The following NPAS3 variants were observed in gnomAD, a reference collection of about 807,000 sequenced individuals.
The protein encoded by NPAS3 is neuronal PAS domain-containing protein 3.
Under a neutral mutation model 73.1 loss-of-function variants are expected in NPAS3, and 14 were observed. That is an observed-to-expected ratio of 0.19 (90% confidence interval 0.13 to 0.30). The LOEUF (loss-of-function observed/expected upper bound fraction) is 0.30. NPAS3 is among the 10% of genes least tolerant of loss of function. The probability of loss-of-function intolerance (pLI) is 1.00; values close to 1 mark genes in which losing one functional copy is unlikely to be tolerated. For missense variants in NPAS3, 1,096 were observed against 1,250.0 expected (o/e 0.88, Z 1.86); for synonymous variants, 620 against 541.5 (o/e 1.14, Z -2.01).
chr14:33,349,146 C>T (rs1643697231), intron 3 of NPAS3, among the ~76,000 whole-genome samples: 1 of 152,172 alleles, frequency 6.6e-6, no homozygotes, highest in Non-Finnish European at 1.5e-5. Flanking sequence ...TTTATTTAGG[C>T]TAACCATGTC....
intron 4 of NPAS3, among the ~76,000 whole-genome samples, chr14:33,434,659 T>C (rs1783249188): frequency 6.6e-6 from 1 of 152,232 alleles, no homozygotes; most frequent in South Asian, 2.1e-4. Context: ...AGGAAGTTGA[T>C]TCTTTCTTTT....
intron 5 of NPAS3, among the ~76,000 whole-genome samples, chr14:33,659,376 A>G (rs2059241817): frequency 6.6e-6 from 1 of 152,206 alleles, no homozygotes; most frequent in Non-Finnish European, 1.5e-5. Flanking sequence ...GCCTTCTATT[A>G]GGAACATGTA....
chr14:32,936,548 C>T (rs184457816), upstream of NPAS3, among the ~76,000 whole-genome samples: 1 of 151,940 alleles, frequency 6.6e-6, no homozygotes, highest in East Asian at 1.9e-4. Flanking sequence ...TAGTATCTGG[C>T]GGTCACTTTA....
chr14:33,231,227 A>G (rs986609482), intron 3 of NPAS3, among the ~76,000 whole-genome samples: 3 of 152,212 alleles, frequency 2.0e-5, no homozygotes, highest in Non-Finnish European at 4.4e-5. Flanking sequence ...TATCAGAGAA[A>G]TTCTCTTATG....
chr14:33,404,100 T>C (rs1227930847), intron 4 of NPAS3, among the ~76,000 whole-genome samples: 1 of 152,158 alleles, frequency 6.6e-6, no homozygotes, highest in African/African-American at 2.4e-5. Flanking sequence ...AAAATTTTTT[T>C]GTCTCTAACT....
chr14:33,283,219 G>A (rs2140072326), intron 3 of NPAS3, among the ~76,000 whole-genome samples: 1 of 152,216 alleles, frequency 6.6e-6, no homozygotes, highest in East Asian at 1.9e-4. Flanking sequence ...ACATGCCCAC[G>A]GTCACAGAGT....
intron 3 of NPAS3, among the ~76,000 whole-genome samples, chr14:33,291,048 T>C (rs2042079394): frequency 6.6e-6 from 1 of 152,034 alleles, no homozygotes; most frequent in Non-Finnish European, 1.5e-5. Flanking sequence ...TATCTAGGCT[T>C]TGCAATACGA....
chr14:33,607,828 C>T (rs752644059), intron 5 of NPAS3, among the ~76,000 whole-genome samples: 4 of 152,110 alleles, frequency 2.6e-5, no homozygotes, highest in African/African-American at 4.8e-5. Context: ...AGAATCATGG[C>T]GGAAGGGGAA....
intron 4 of NPAS3, among the ~76,000 whole-genome samples, chr14:33,480,120 A>G (rs991310943): frequency 6.6e-6 from 1 of 152,210 alleles, no homozygotes; most frequent in African/African-American, 2.4e-5. Flanking sequence ...AAGGGAGAGG[A>G]TCATGGAATT....
intron 1 of NPAS3, among the ~76,000 whole-genome samples, chr14:33,027,350 G>T (rs189882554): frequency 1.3e-5 from 2 of 152,142 alleles, no homozygotes; most frequent in African/African-American, 4.8e-5. Context: ...AATACGAATC[G>T]TTGGAAAAGC....
intron 1 of NPAS3, among the ~76,000 whole-genome samples, chr14:32,998,968 C>G (rs1165657962): frequency 6.6e-6 from 1 of 152,182 alleles, no homozygotes; most frequent in Non-Finnish European, 1.5e-5. Context: ...TTCCCATCAT[C>G]ACACTGTGTG....
intron 5 of NPAS3, among the ~76,000 whole-genome samples, chr14:33,618,820 AG>A (rs2057998657): frequency 6.6e-6 from 1 of 152,210 alleles, no homozygotes; most frequent in Non-Finnish European, 1.5e-5. Flanking sequence ...TTAGTTTTCT[AG>A]TAAGTGCAAC....
chr14:33,634,012 A>G (rs1251872403), intron 5 of NPAS3, among the ~76,000 whole-genome samples: 3 of 152,184 alleles, frequency 2.0e-5, no homozygotes, highest in African/African-American at 7.2e-5. Context: ...GTTTTGTGGC[A>G]CATGACTGCT....
intron 4 of NPAS3, among the ~76,000 whole-genome samples, chr14:33,409,111 G>A (rs1401599214): frequency 6.6e-6 from 1 of 152,216 alleles, no homozygotes; most frequent in East Asian, 1.9e-4. Context: ...TTTATTTGCA[G>A]AATAAATTTC....
chr14:32,997,534 T>C (rs1302090553), intron 1 of NPAS3, among the ~76,000 whole-genome samples: 1 of 152,086 alleles, frequency 6.6e-6, no homozygotes, highest in East Asian at 1.9e-4. Flanking sequence ...TCCTGTGCTG[T>C]TCTTGGGATA....
chr14:33,774,295 T>C (rs374866054), intron 7 of NPAS3, 42 bp from the exon 8 acceptor site: 2 of 1,501,032 alleles, frequency 1.3e-6, no homozygotes, highest in Admixed American at 1.7e-5. Context: ...ATATCTGGGA[T>C]GTAAATTTGA....
At chr14:33,383,783 T>G (rs1366760815) in intron 4 of NPAS3, among the ~76,000 whole-genome samples, 1 of 152,164 alleles carries the variant, frequency 6.6e-6, no homozygotes, top group Admixed American at 6.5e-5. Context: ...CTTCTAACAT[T>G]TCTAGTGAAT....
intron 5 of NPAS3, among the ~76,000 whole-genome samples, chr14:33,674,806 G>A (rs1241751468): frequency 6.6e-6 from 1 of 152,190 alleles, no homozygotes; most frequent in Admixed American, 6.5e-5. Context: ...CTATACCTAT[G>A]TTAACTGATA....
At chr14:33,603,244 A>G (rs1307444609) in intron 5 of NPAS3, among the ~76,000 whole-genome samples, 5 of 152,348 alleles carry the variant, frequency 3.3e-5, no homozygotes, top group Admixed American at 6.5e-5. Context: ...TAGACATTGC[A>G]GAAGAAGATA....
Sources: allele counts gnomAD v4.1 joint callset (sites outside exome capture counted in the v4.1 genomes callset), GRCh38; gene constraint gnomAD v4.1.1; transcripts MANE v1.5; gene names NCBI Gene and HGNC (gene_info 2026-07-23, HGNC 2026-07-21).